The following XRCC4 variants were observed in gnomAD, a reference collection of about 807,000 sequenced individuals.
The protein encoded by XRCC4 is DNA repair protein XRCC4.
XRCC4 carries 28 observed loss-of-function variants against 39.1 expected under a neutral mutation model. The observed-to-expected ratio is 0.72, with a 90% CI of 0.53 to 0.98. The LOEUF is 0.98. Ranked by LOEUF, XRCC4 falls within the 50% of genes least tolerant of loss-of-function variation. The pLI is 0.00. For missense variants in XRCC4, 350 were observed against 376.4 expected, an observed-to-expected ratio of 0.93 and a Z score of 0.58; for synonymous variants, 123 against 126.4, an observed-to-expected ratio of 0.97 and a Z score of 0.18.
chr5:83,142,318 G>T (rs1187827447), intron 3 of XRCC4, among the ~76,000 whole-genome samples: 1 of 42,890 alleles, frequency 2.3e-5, no homozygotes, highest in Non-Finnish European at 4.8e-5. Flanking sequence ...TCTCAGTGGT[G>T]TTTAGATGAG....
chr5:83,349,373 T>G (rs1455730397), intron 7 of XRCC4, among the ~76,000 whole-genome samples: 2 of 152,248 alleles, frequency 1.3e-5, no homozygotes, highest in Non-Finnish European at 2.9e-5. Context: ...ACAAAAAGTC[T>G]AACAATAAAC....
At chr5:83,304,781 G>C (rs185675707) in intron 7 of XRCC4, among the ~76,000 whole-genome samples, 2 of 151,866 alleles carry the variant, frequency 1.3e-5, no homozygotes, top group Non-Finnish European at 2.9e-5. Context: ...GTATTTAGTT[G>C]GATAGGACTA....
intron 3 of XRCC4, among the ~76,000 whole-genome samples, chr5:83,139,493 A>G (rs906515340): frequency 6.6e-6 from 1 of 152,210 alleles, no homozygotes; most frequent in Non-Finnish European, 1.5e-5. Flanking sequence ...AGAGAATACA[A>G]GTATCTTTTG....
intron 7 of XRCC4, among the ~76,000 whole-genome samples, chr5:83,302,603 A>G (rs1203607768): frequency 6.6e-6 from 1 of 152,178 alleles, no homozygotes; most frequent in African/African-American, 2.4e-5. Context: ...CTTGGTCTCA[A>G]TGGAAGCTGC....
chr5:83,325,288 A>AT (rs1393095890), intron 7 of XRCC4, among the ~76,000 whole-genome samples: 9 of 151,912 alleles, frequency 5.9e-5, no homozygotes, highest in African/African-American at 2.2e-4. Flanking sequence ...TCTGTCCTTA[A>AT]TTTTTTTCTT....
downstream of XRCC4, chr5:83,356,648 G>T: frequency 2.3e-6 from 1 of 426,490 alleles, no homozygotes. Context: ...TATAGACAGA[G>T]ATCTACAGAT....
Position 83,344,130 on chromosome 5 carries a change from TCACA to T in XRCC4, c.894-8973_894-8970del, listed in dbSNP as rs61032306. Among the ~76,000 whole-genome samples, 639 of 148,196 alleles carry T rather than the reference TCACA, an allele frequency of 4.3e-3. 4 individuals carry two copies. Among genetic ancestry groups the T allele is most frequent in the Middle Eastern group, 0.011 (3 of 280 alleles). On this transcript the variant is annotated intron_variant, in intron 7 of 7. Coordinates refer to ENST00000396027, the MANE Select transcript of XRCC4 (RefSeq NM_003401.5). ...ATACACAGATACACTGACACAGATC[TCACA>T]CACACACACACACACACACACACAC...
rs143556783 is a variant in XRCC4, at chr5:83,115,992, A to G, written c.315+4789A>G. 1.4e-3 allele frequency among the ~76,000 whole-genome samples: 216 copies of G among 152,278 alleles called. 1 individual carries two copies. Among genetic ancestry groups the G allele is most frequent in the Admixed American group, 4.0e-3 (61 of 15,298 alleles). On this transcript the variant is annotated intron_variant, in intron 3 of 7. Coordinates refer to ENST00000396027, the MANE Select transcript of XRCC4 (RefSeq NM_003401.5). ...GATGCAGCTGAGAGATCACAAGTTC[A>G]TTTGGCCAAGGTGTCATGGGAGTCT...
chr5:83,320,807 C>CTTTTT (rs869118508), intron 7 of XRCC4, among the ~76,000 whole-genome samples: 10 of 116,976 alleles, frequency 8.5e-5, no homozygotes, highest in South Asian at 2.8e-4. Context: ...TTATGTACTT[C>CTTTTT]TTTTTTTTTT....
chr5:83,154,189 T>C (rs1748848837), intron 3 of XRCC4, among the ~76,000 whole-genome samples: 1 of 152,230 alleles, frequency 6.6e-6, no homozygotes, highest in Non-Finnish European at 1.5e-5. Context: ...TTTGGTTTTA[T>C]TTTTTATCCT....
intron 1 of XRCC4, among the ~76,000 whole-genome samples, chr5:83,093,627 GTA>G (rs1283482925): frequency 6.6e-6 from 1 of 152,132 alleles, no homozygotes; most frequent in Non-Finnish European, 1.5e-5. Context: ...GACCACAATT[GTA>G]TGAAACTAGA....
chr5:83,352,227 C>A (rs10805813), intron 7 of XRCC4, among the ~76,000 whole-genome samples: 38,694 of 151,996 alleles, frequency 0.25, 7,130 homozygotes, highest in East Asian at 0.71. Context: ...ACTCTACCCC[C>A]GCCTTTGAAC....
intron 7 of XRCC4, among the ~76,000 whole-genome samples, chr5:83,293,386 C>T (rs1754989958): frequency 6.6e-6 from 1 of 152,056 alleles, no homozygotes; most frequent in Non-Finnish European, 1.5e-5. Flanking sequence ...TCTGTCATCT[C>T]ATCCATTCAT....
At position 83,130,806 on chromosome 5, in the gene XRCC4, G is replaced by A. The variant is rs374770292; in HGVS notation, c.315+19603G>A. ...TGGTAGTTTTTATTTCTGTGGGATC[G>A]TTGGTGATATCCCCTTTATCATTTT... On this transcript the variant is annotated intron_variant, in intron 3 of 7. Coordinates refer to ENST00000396027, the MANE Select transcript of XRCC4 (RefSeq NM_003401.5). Among the ~76,000 whole-genome samples, 222 of 152,184 alleles carry A rather than the reference G, an allele frequency of 1.5e-3. 2 individuals carry two copies. The highest frequency in any genetic ancestry group is 2.6e-3 in the Non-Finnish European group (180 of 68,000).
chr5:83,082,455 T>C (rs1049633004), intron 1 of XRCC4, among the ~76,000 whole-genome samples: 3 of 152,154 alleles, frequency 2.0e-5, no homozygotes, highest in African/African-American at 7.2e-5. Context: ...AGAAATTGGG[T>C]GAGGGGTATA....
At chr5:83,333,045 G>A (rs1307713874) in intron 7 of XRCC4, among the ~76,000 whole-genome samples, 4 of 152,146 alleles carry the variant, frequency 2.6e-5, no homozygotes, top group Middle Eastern at 3.4e-3. Context: ...AATACTTGTG[G>A]ACAGCTGTTA....
chr5:83,356,087 GA>G (rs1030221290), downstream of XRCC4, among the ~76,000 whole-genome samples: 9 of 136,956 alleles, frequency 6.6e-5, no homozygotes, highest in Non-Finnish European at 1.0e-4. Flanking sequence ...TATGCAAAAG[GA>G]AAAAAACTTT....
At chr5:83,288,908 T>TTA (rs1183213957) in intron 7 of XRCC4, among the ~76,000 whole-genome samples, 1 of 151,818 alleles carries the variant, frequency 6.6e-6, no homozygotes, top group Admixed American at 6.6e-5. Context: ...GGTATTCTAA[T>TTA]TATATATATA....
chr5:83,227,492 TA>T (rs1338308289), intron 6 of XRCC4, among the ~76,000 whole-genome samples: 1 of 152,106 alleles, frequency 6.6e-6, no homozygotes, highest in Non-Finnish European at 1.5e-5. Flanking sequence ...ACTATTGATA[TA>T]ATTAGGAAAT....
Sources: gnomAD v4.1 joint callset for allele counts (sites outside exome capture counted in the v4.1 genomes callset) on GRCh38, gnomAD v4.1.1 for gene constraint, MANE v1.5 for transcripts, NCBI Gene and HGNC (gene_info 2026-07-23, HGNC 2026-07-21) for gene names.